Variants in FAM222B observed in about 807,000 individuals in gnomAD.
FAM222B encodes protein FAM222B.
Under a neutral mutation model 38.0 loss-of-function variants are expected in FAM222B, and 12 were observed. The observed-to-expected ratio is 0.32, with a 90% CI of 0.20 to 0.51. The LOEUF is 0.51. Among genes scored for constraint, FAM222B ranks in the 20% least tolerant of loss-of-function variants. The pLI, the probability that FAM222B is intolerant of heterozygous loss-of-function variation, is 0.97. For missense variants in FAM222B, 716 were observed against 754.2 expected (o/e 0.95, Z 0.59); for synonymous variants, 329 against 317.2 (o/e 1.04, Z -0.40).
At chr17:28,774,472 A>G (rs2035790522) in intron 1 of FAM222B, among the ~76,000 whole-genome samples, 1 of 152,162 alleles carries the variant, frequency 6.6e-6, no homozygotes, top group Non-Finnish European at 1.5e-5. Flanking sequence ...TATCACAGTG[A>G]CCACAGAACT....
chr17:28,843,419 G>A (rs2039108855), upstream of FAM222B, among the ~76,000 whole-genome samples: 1 of 147,000 alleles, frequency 6.8e-6, no homozygotes, highest in African/African-American at 2.5e-5. Flanking sequence ...TTACAAGCAT[G>A]AGCCACCGCG....
chr17:28,814,815 C>G (rs543179171), intron 1 of FAM222B, among the ~76,000 whole-genome samples: 2 of 139,892 alleles, frequency 1.4e-5, no homozygotes, highest in South Asian at 4.8e-4. Context: ...GATCTGTCAT[C>G]CAGGCTGGAG....
intron 1 of FAM222B, among the ~76,000 whole-genome samples, chr17:28,789,540 T>A (rs1470389039): frequency 6.6e-6 from 1 of 152,132 alleles, no homozygotes; most frequent in Admixed American, 6.6e-5. Context: ...CCTTACCAAC[T>A]CAGTGTCCTT....
Position 28,834,161 on chromosome 17 carries a change from A to G in FAM222B, c.-41+8521T>C, listed in dbSNP as rs187275778. ...ATGACTACTGTACCTGATTTCGTCA[A>G]TCTCTCAAGTCATCACACCATTCTC... On this transcript the variant is annotated intron_variant, in intron 1 of 2. Transcript: ENST00000581407. The G allele has an allele frequency of 3.9e-5, 6 of 152,276 alleles. No individual in the cohort carries two copies. The East Asian group carries it at 5.8e-4, about 15-fold the overall frequency. The allele number at this position is 152,276 out of a possible 1,614,324, so 9.4% of individuals were successfully genotyped here.
At chr17:28,829,186 G>T (rs928663680) in intron 1 of FAM222B, among the ~76,000 whole-genome samples, 35 of 141,638 alleles carry the variant, frequency 2.5e-4, no homozygotes, top group Admixed American at 1.4e-4. Flanking sequence ...TTACAGGCGT[G>T]AGCCATCACG....
intron 1 of FAM222B, among the ~76,000 whole-genome samples, chr17:28,805,056 A>G (rs899532285): frequency 1.3e-5 from 2 of 151,928 alleles, no homozygotes; most frequent in African/African-American, 4.8e-5. Flanking sequence ...AGGAAAAAAA[A>G]AAAGAAAGAA....
chr17:28,847,845 C>T (rs1474470874), intron 1 of FAM222B, among the ~76,000 whole-genome samples: 6 of 147,144 alleles, frequency 4.1e-5, no homozygotes, highest in Non-Finnish European at 8.9e-5. Flanking sequence ...ACCCGGGAGG[C>T]GGAGCTTGCA....
At chr17:28,835,389 C>G (rs554691694) in intron 1 of FAM222B, among the ~76,000 whole-genome samples, 1 of 151,968 alleles carries the variant, frequency 6.6e-6, no homozygotes, top group East Asian at 1.9e-4. Context: ...TCCCTCCCAG[C>G]GCCTAGTACA....
intron 2 of FAM222B, among the ~76,000 whole-genome samples, chr17:28,764,768 A>T (rs1467936719): frequency 6.6e-6 from 1 of 152,102 alleles, no homozygotes; most frequent in East Asian, 1.9e-4. Flanking sequence ...TAAAAAAAAA[A>T]TAAAAATAAT....
chr17:28,835,705 GC>G (rs1208830214), intron 1 of FAM222B, among the ~76,000 whole-genome samples: 1 of 152,134 alleles, frequency 6.6e-6, no homozygotes, highest in African/African-American at 2.4e-5. Flanking sequence ...TGTCGCCCAG[GC>G]TGGAGTGCAA....
intron 1 of FAM222B, 197 bp from the exon 2 acceptor site, chr17:28,766,904 G>A (rs1019505930): frequency 2.0e-6 from 1 of 499,240 alleles, no homozygotes; most frequent in Non-Finnish European, 3.6e-6. Flanking sequence ...TGGTTAAAAT[G>A]ATTTTTCAGT....
rs768625209 is a variant in FAM222B at position 28,759,474 on chromosome 17, T to A, written c.485A>T (p.Gln162Leu). The change falls in exon 3 of 3, where the codon CAG (glutamine) becomes CTG (leucine). Residue 162 changes from glutamine (Q) to leucine (L), a missense_variant. Transcript: ENST00000581407. The surrounding 1 kb of genome is among the most constrained non-coding windows in gnomAD (Gnocchi z 4.8). ...CTGGGGAGGGGCATGGGCCAGGGTC[T>A]GTGCATGCTGCAGGGCCTGCTGGCG... ...LARQQALQHA[Q>L]TLAHAPPQTL... 6.4e-7 allele frequency: 1 copy of A among 1,563,132 alleles called. No homozygotes were observed. Among genetic ancestry groups the A allele is most frequent in the Non-Finnish European group, 8.7e-7 (1 of 1,156,040 alleles).
intron 1 of FAM222B, among the ~76,000 whole-genome samples, chr17:28,801,243 G>A (rs2151900801): frequency 6.7e-6 from 1 of 149,000 alleles, no homozygotes; most frequent in South Asian, 2.1e-4. Context: ...CACGAGGTCA[G>A]GAGATCGAGA....
Position 28,759,761 on chromosome 17 carries a change from C to T in FAM222B, c.198G>A (p.Val66=), listed in dbSNP as rs2034979194. 5.0e-6 allele frequency: 8 copies of T among 1,613,650 alleles called. No individual in the cohort carries two copies. Among genetic ancestry groups the T allele is most frequent in the African/African-American group, 1.3e-5 (1 of 75,050 alleles). The part of the protein sequence containing the change: ...PLTIKIFPNS[V]KVPQRKHVRR... ...GAACGTGTTTCCGCTGGGGAACCTT[C>T]ACACTGTTGGGGAAGATTTTTATAG... Residue 66 remains valine (V), a synonymous_variant, in exon 3 of 3, where the codon GTG becomes GTA. Coordinates refer to ENST00000581407, the MANE Select transcript of FAM222B (RefSeq NM_001077498.3). This position sits in a 1 kb window ranked among gnomAD's most constrained non-coding sequence, Gnocchi z 4.8.
chr17:28,817,229 T>C lies in FAM222B; in HGVS notation c.-41+25453A>G, dbSNP rs563613288. Among the ~76,000 whole-genome samples the C allele has an allele frequency of 7.3e-5, 11 of 151,486 alleles. No individual in the cohort carries two copies. In the East Asian group the frequency reaches 1.2e-3, roughly 16 times the overall value. On this transcript the variant is annotated intron_variant, in intron 1 of 2. Transcript: ENST00000581407. Reference sequence around the variant, plus strand: ...CAGTTCGAGACCAGCCTGGCCAACATTGTGAAACCCCATCTCTACTAAAAA... The same window carrying C: ...CAGTTCGAGACCAGCCTGGCCAACACTGTGAAACCCCATCTCTACTAAAAA...
At chr17:28,791,365 A>G (rs2036677729) in intron 1 of FAM222B, among the ~76,000 whole-genome samples, 1 of 152,032 alleles carries the variant, frequency 6.6e-6, no homozygotes, top group South Asian at 2.1e-4. Context: ...GGTTCTTGCC[A>G]CTTGGAATAG....
intron 1 of FAM222B, among the ~76,000 whole-genome samples, chr17:28,820,665 G>C (rs1029731768): frequency 6.7e-6 from 1 of 149,702 alleles, no homozygotes; most frequent in East Asian, 1.9e-4. Flanking sequence ...GCGAAGTCTC[G>C]CTCTGTCACC....
rs763821531 is a variant in FAM222B, at chr17:28,757,624, A to G, written c.*646T>C. 6.6e-6 allele frequency: 1 copy of G among 152,144 alleles called. No individual in the cohort carries two copies. The highest frequency in any genetic ancestry group is 2.4e-5 in the African/African-American group (1 of 41,420). 9.4% of individuals were successfully genotyped at this position (152,144 alleles called of 1,614,324 possible). ...CAATACAAAGACTTTTTCCCCCCAT[A>G]TCTCAAGAAATGGTCAAATACTTCC... On this transcript the variant is annotated 3_prime_UTR_variant, in exon 3 of 3. Coordinates refer to ENST00000581407, the MANE Select transcript of FAM222B (RefSeq NM_001077498.3).
At chr17:28,762,230 G>T (rs906567597) in intron 2 of FAM222B, 3 of 152,128 alleles carry the variant, frequency 2.0e-5, no homozygotes, top group African/African-American at 7.2e-5. Context: ...GCTTTGTTAA[G>T]GAAGAACCCC....
Sources: allele counts gnomAD v4.1 joint callset (sites outside exome capture counted in the v4.1 genomes callset), GRCh38; gene constraint gnomAD v4.1.1; non-coding constraint Gnocchi (gnomAD v3.1); transcripts MANE v1.5; gene names NCBI Gene and HGNC (gene_info 2026-07-23, HGNC 2026-07-21).